The following HAL variants were observed in gnomAD, a reference collection of about 807,000 sequenced individuals.
The protein encoded by HAL is histidine ammonia-lyase, also known as histidase.
HAL carries 85 observed loss-of-function variants against 81.1 expected under a neutral mutation model. That is an observed-to-expected ratio of 1.05 (90% confidence interval 0.88 to 1.25). The LOEUF (loss-of-function observed/expected upper bound fraction) is 1.25, where lower values mean the gene tolerates loss of function less well. HAL is among the 50% of genes most tolerant of loss of function. The pLI is 0.00. For missense variants in HAL, 798 were observed against 836.6 expected (o/e 0.95, Z 0.57); for synonymous variants, 301 against 309.2 (o/e 0.97, Z 0.28).
chr12:95,983,334 G>A (rs1183211649), intron 15 of HAL, among the ~76,000 whole-genome samples: 3 of 152,096 alleles, frequency 2.0e-5, no homozygotes, highest in Non-Finnish European at 4.4e-5. Context: ...GTTGCAGAGA[G>A]CCGAGATGGC....
chr12:95,976,670 A>G lies in HAL; in HGVS notation c.1691T>C (p.Ile564Thr), dbSNP rs755013752. The change falls in exon 19 of 21, where the codon ATA (isoleucine) becomes ACA (threonine). Residue 564 changes from isoleucine (I) to threonine (T), a missense_variant. Coordinates refer to ENST00000261208, the MANE Select transcript of HAL (RefSeq NM_002108.4). ...AIELLAACQG[I>T]EFLRPLKTTT... Reference sequence around the variant, plus strand: ...TGTTTTCAGGGGACGTAGAAACTCTATGCCCTGGCAGGCTGCAAGGAGCTC... The same window carrying G: ...TGTTTTCAGGGGACGTAGAAACTCTGTGCCCTGGCAGGCTGCAAGGAGCTC... 4 of 1,613,178 alleles carry G rather than the reference A, an allele frequency of 2.5e-6. No homozygotes were observed. Among genetic ancestry groups the G allele is most frequent in the East Asian group, 2.2e-5 (1 of 44,874 alleles).
At chr12:95,993,727 G>A in intron 7 of HAL, 45 bp downstream of exon 7, 3 of 1,047,698 alleles carry the variant, frequency 2.9e-6, no homozygotes, top group Non-Finnish European at 3.0e-6. Context: ...ATATTTAAAA[G>A]ATGAGGGTAG....
intron 18 of HAL, among the ~76,000 whole-genome samples, chr12:95,976,920 T>G (rs1435578694): frequency 6.6e-6 from 1 of 152,160 alleles, no homozygotes; most frequent in Non-Finnish European, 1.5e-5. Flanking sequence ...AGGGGAGAAT[T>G]GAGACATTTA....
intron 10 of HAL, 22 bp from the exon 11 acceptor site, chr12:95,988,262 GA>G: frequency 7.9e-7 from 1 of 1,266,124 alleles, no homozygotes; most frequent in African/African-American, 1.5e-5. Context: ...TTAAAAATAT[GA>G]AAATGGGTAT....
chr12:95,994,256 C>T, intron 4 of HAL, 92 bp from the exon 5 acceptor site: 1 of 854,140 alleles, frequency 1.2e-6, no homozygotes, highest in South Asian at 1.3e-5. Flanking sequence ...ACTGACATTT[C>T]AGAGATCTGA....
Position 95,976,446 on chromosome 12 carries a change from G to A in HAL, c.1816C>T (p.Leu606=). ...CAGCTTGCCTTCTGCTCCAGGAGCAGCCTGTGGGCTGCCTCGATGTCCGGG... is the reference window on the plus strand; with the variant it reads ...CAGCTTGCCTTCTGCTCCAGGAGCAACCTGTGGGCTGCCTCGATGTCCGGG... ...MAPDIEAAHR[L]LLEQKVWEVA... Residue 606 remains leucine (L), a synonymous_variant, in exon 20 of 21, where the codon CTG becomes TTG. Coordinates refer to ENST00000261208, the MANE Select transcript of HAL (RefSeq NM_002108.4). 1.9e-6 allele frequency: 3 copies of A among 1,613,870 alleles called. No homozygotes were observed.
At chr12:95,976,739 G>T in intron 18 of HAL, 33 bp from the exon 19 acceptor site, 1 of 1,367,484 alleles carries the variant, frequency 7.3e-7, no homozygotes, top group Non-Finnish European at 1.0e-6. Flanking sequence ...GGTAGCTTAT[G>T]AAAGTCTGAC....
intron 10 of HAL, 122 bp downstream of exon 10, chr12:95,990,271 G>A: frequency 7.2e-6 from 6 of 827,644 alleles, no homozygotes; most frequent in South Asian, 1.4e-5. Context: ...CATCTGTAAA[G>A]TAAGGATAGT....
chr12:95,977,992 C>T lies in HAL; in HGVS notation c.1606G>A (p.Gly536Arg). Residue 536 changes from glycine (G) to arginine (R), a missense_variant, in exon 18 of 21, where the codon GGA becomes AGA. By Grantham distance (125) the Gly-to-Arg change is moderately radical. Coordinates refer to ENST00000261208, the MANE Select transcript of HAL (RefSeq NM_002108.4). ...CTGAGGGCTTTCCTTGCTGCCCATC[C>T]TCCCATGGAGACGTGGTCCTCCGTG... The part of the protein sequence containing the change: ...AATEDHVSMG[G>R]WAARKALRVI... The T allele has an allele frequency of 3.7e-6, 6 of 1,614,132 alleles. No individual in the cohort carries two copies. Among genetic ancestry groups the T allele is most frequent in the South Asian group, 1.1e-5 (1 of 91,078 alleles).
At chr12:95,981,137 C>T (rs1205057187) in intron 15 of HAL, among the ~76,000 whole-genome samples, 2 of 152,210 alleles carry the variant, frequency 1.3e-5, no homozygotes, top group Non-Finnish European at 2.9e-5. Context: ...AGCACCATAA[C>T]TGTACTAACC....
Position 95,983,972 on chromosome 12 carries a change from T to C in HAL, c.1226A>G (p.Asp409Gly), listed in dbSNP as rs1156664668. Residue 409 changes from aspartate to glycine, a missense_variant, in exon 15 of 21, where the codon GAT (aspartate) becomes GGT (glycine). By Grantham distance (94) the Asp-to-Gly change is moderately conservative (BLOSUM62 -1). Coordinates refer to ENST00000261208, the MANE Select transcript of HAL (RefSeq NM_002108.4). The part of the protein sequence containing the change: ...CCPQVHGVVN[D>G]TIAFVKNIIT... ...GATGTTCTTCACAAATGCTATTGTA[T>C]CATTCACCACACCATGGACCTAAAA... 1.3e-6 allele frequency: 2 copies of C among 1,572,822 alleles called. No individual in the cohort carries two copies. The highest frequency in any genetic ancestry group is 2.7e-5 in the African/African-American group (2 of 74,110).
At chr12:95,988,724 G>T (rs1278882174) in intron 10 of HAL, among the ~76,000 whole-genome samples, 1 of 152,132 alleles carries the variant, frequency 6.6e-6, no homozygotes. Context: ...CAGGGTTTTT[G>T]TGGCACATGT....
intron 9 of HAL, 44 bp from the exon 10 acceptor site, chr12:95,990,576 C>G: frequency 6.4e-7 from 1 of 1,561,462 alleles, no homozygotes; most frequent in Non-Finnish European, 8.8e-7. Flanking sequence ...GTACTGCATT[C>G]TGACTCTCCT....
Position 95,980,806 on chromosome 12 carries a change from G to T in HAL, c.1345C>A (p.Pro449Thr). The T allele has an allele frequency of 6.3e-7, 1 of 1,593,298 alleles. No homozygotes were observed. Among genetic ancestry groups the T allele is most frequent in the Non-Finnish European group, 8.6e-7 (1 of 1,161,262 alleles). ...VSGGNFHGEY[P>T]AKALDYLAIG... ...AGTTTTAAAAAGCTTACTTTGGCTG[G>T]GTATTCACCATGGAAGTTTCCTCCA... is the stretch of plus-strand genomic sequence containing the variant. The change falls in exon 16 of 21, where the codon CCA becomes ACA. Residue 449 changes from proline (P) to threonine (T), a missense_variant. Pro to Thr is a conservative substitution (Grantham distance 38). Coordinates refer to ENST00000261208, the MANE Select transcript of HAL (RefSeq NM_002108.4).
rs779633523 is a variant in HAL at position 95,992,803 on chromosome 12, C to T, written c.592G>A (p.Val198Ile). 3.1e-6 allele frequency: 5 copies of T among 1,612,914 alleles called. No individual in the cohort carries two copies. The highest frequency in any genetic ancestry group is 2.2e-5 in the East Asian group (1 of 44,870). Residue 198 changes from valine to isoleucine, a missense_variant and splice_region_variant, in exon 9 of 21, where the codon GTT (valine) becomes ATT (isoleucine). Val to Ile is a conservative substitution (Grantham distance 29, BLOSUM62 3). Coordinates refer to ENST00000261208, the MANE Select transcript of HAL (RefSeq NM_002108.4). Reference sequence around the variant, plus strand: ...CTCTCAGGACTTAGTGGTTTCCCAACACCTGCAAAACAGAATTGATGTTTT... The same window carrying T: ...CTCTCAGGACTTAGTGGTTTCCCAATACCTGCAAAACAGAATTGATGTTTT... ...VNLVRSHSSG[V>I]GKPLSPERCR...
intron 13 of HAL, 36 bp from the exon 14 acceptor site, chr12:95,986,002 T>A: frequency 6.3e-7 from 1 of 1,590,762 alleles, no homozygotes; most frequent in Non-Finnish European, 8.6e-7. Flanking sequence ...ACAGGGATCA[T>A]GTTACCAATT....
At position 95,980,637 on chromosome 12, in the gene HAL, T is replaced by A; in HGVS notation, c.1438A>T (p.Ser480Cys). The change falls in exon 17 of 21, where the codon AGT becomes TGT. Residue 480 changes from serine (S) to cysteine (C), a missense_variant. Transcript: ENST00000261208. ...RIERLCNPSL[S>C]ELPAFLVAEG... ...GCCACCAGGAAGGCAGGCAGCTCAC[T>A]GAGGGAGGGATTGCAGAGCCGCTCG... The A allele has an allele frequency of 1.9e-6, 3 of 1,614,066 alleles. No homozygotes were observed. The highest frequency in any genetic ancestry group is 2.5e-6 in the Non-Finnish European group (3 of 1,179,936).
At chr12:95,980,947 A>G (rs569340702) in intron 15 of HAL, 84 bp from the exon 16 acceptor site, 98 of 840,868 alleles carry the variant, frequency 1.2e-4, no homozygotes, top group Non-Finnish European at 1.9e-4. Context: ...TTTAACGTGG[A>G]GGTGGCAGTC....
At chr12:95,990,288 T>C (rs1949952521) in intron 10 of HAL, 105 bp downstream of exon 10, 4 of 902,432 alleles carry the variant, frequency 4.4e-6, no homozygotes, top group Middle Eastern at 2.1e-4. Flanking sequence ...TAGTAGGAGC[T>C]CCCTCACTGG....
Sources: gnomAD v4.1 joint callset for allele counts (sites outside exome capture counted in the v4.1 genomes callset) on GRCh38, gnomAD v4.1.1 for gene constraint, MANE v1.5 for transcripts, NCBI Gene and HGNC (gene_info 2026-07-23, HGNC 2026-07-21) for gene names.